The following GSTCD variants were observed in gnomAD, a reference collection of about 807,000 sequenced individuals.
GSTCD encodes the protein glutathione S-transferase C-terminal domain containing, also known as glutathione S-transferase C-terminal domain-containing protein.
Under a neutral mutation model 68.3 loss-of-function variants are expected in GSTCD, and 44 were observed. The observed-to-expected ratio is 0.64, with a 90% CI of 0.51 to 0.83. The LOEUF (loss-of-function observed/expected upper bound fraction) is 0.83, where lower values mean the gene tolerates loss of function less well. Among genes scored for constraint, GSTCD ranks in the 40% least tolerant of loss-of-function variants. The pLI is 0.00. For missense variants in GSTCD, 739 were observed against 735.9 expected (o/e 1.00, Z -0.05); for synonymous variants, 273 against 255.2 (o/e 1.07, Z -0.67).
At chr4:105,774,646 A>C (rs1241178105) in intron 5 of GSTCD, among the ~76,000 whole-genome samples, 2 of 152,118 alleles carry the variant, frequency 1.3e-5, no homozygotes, top group Non-Finnish European at 2.9e-5. Flanking sequence ...CTGGGTTGAA[A>C]ATTCTTTTCT....
At chr4:105,714,199 C>T (rs1472811977) in intron 1 of GSTCD, among the ~76,000 whole-genome samples, 2 of 152,106 alleles carry the variant, frequency 1.3e-5, no homozygotes, top group Non-Finnish European at 2.9e-5. Context: ...GAAAGAGATG[C>T]ACACTCTATT....
At chr4:105,709,580 G>T (rs1732447665) in intron 1 of GSTCD, among the ~76,000 whole-genome samples, 1 of 152,084 alleles carries the variant, frequency 6.6e-6, no homozygotes, top group South Asian at 2.1e-4. Context: ...CATGAAAGTT[G>T]CTTTGGTTTC....
intron 5 of GSTCD, among the ~76,000 whole-genome samples, chr4:105,794,440 A>G (rs1027113395): frequency 6.6e-6 from 1 of 152,054 alleles, no homozygotes; most frequent in Non-Finnish European, 1.5e-5. Flanking sequence ...TAGGTTCATC[A>G]CTATTAACAA....
chr4:105,827,018 C>T lies in GSTCD; in HGVS notation c.1530+1218C>T, dbSNP rs146841472. 6.0e-4 allele frequency: 91 copies of T among 152,260 alleles called. 1 individual carries two copies. In the East Asian group the frequency reaches 0.015, roughly 25 times the overall value. The allele number at this position is 152,260 out of a possible 1,614,324, so 9.4% of individuals were successfully genotyped here. ...TATTCGTTTCCTTTGCAGACACGAT[C>T]TACAGTTTACTTCTCTTTTTATAAG... On this transcript the variant is annotated intron_variant, in intron 8 of 11. Coordinates refer to ENST00000515279, the MANE Select transcript of GSTCD (RefSeq NM_001370181.1).
chr4:105,842,010 T>A (rs1724363495), intron 10 of GSTCD, 55 bp from the exon 11 acceptor site: 1 of 1,377,354 alleles, frequency 7.3e-7, no homozygotes, highest in South Asian at 1.2e-5. Context: ...GTTGTTTTTA[T>A]AACTTTGAAG....
chr4:105,774,529 C>A (rs910444427), intron 5 of GSTCD, among the ~76,000 whole-genome samples: 16 of 152,090 alleles, frequency 1.1e-4, no homozygotes, highest in Non-Finnish European at 1.6e-4. Context: ...TTCAGGAGCT[C>A]TTGTAAGGCA....
intron 5 of GSTCD, among the ~76,000 whole-genome samples, chr4:105,750,189 C>A (rs548403277): frequency 2.0e-5 from 3 of 152,074 alleles, no homozygotes; most frequent in African/African-American, 7.2e-5. Flanking sequence ...TGAGGCCGGG[C>A]GTGGTGGCTC....
chr4:105,841,415 A>G (rs1023198782), intron 10 of GSTCD, among the ~76,000 whole-genome samples: 7 of 152,312 alleles, frequency 4.6e-5, no homozygotes, highest in Non-Finnish European at 4.4e-5. Context: ...AAAGAAAAAT[A>G]TAAGTGAATT....
chr4:105,773,998 T>G (rs1452598402), intron 5 of GSTCD, among the ~76,000 whole-genome samples: 1 of 152,156 alleles, frequency 6.6e-6, no homozygotes, highest in Non-Finnish European at 1.5e-5. Context: ...CTCAGTCTCT[T>G]TGTAGGTCTC....
chr4:105,814,847 G>T (rs569959894), intron 5 of GSTCD, among the ~76,000 whole-genome samples: 4 of 152,172 alleles, frequency 2.6e-5, no homozygotes, highest in Non-Finnish European at 2.9e-5. Flanking sequence ...TTACAGTTAG[G>T]CCTGTAAAGT....
At chr4:105,726,248 A>G (rs1733028963) in intron 3 of GSTCD, among the ~76,000 whole-genome samples, 1 of 152,208 alleles carries the variant, frequency 6.6e-6, no homozygotes, top group Admixed American at 6.5e-5. Context: ...CTTCAAAAGC[A>G]TAATACTAAG....
At chr4:105,767,046 A>G (rs1468539732) in intron 5 of GSTCD, among the ~76,000 whole-genome samples, 1 of 152,064 alleles carries the variant, frequency 6.6e-6, no homozygotes, top group African/African-American at 2.4e-5. Flanking sequence ...AGTCGCCCCC[A>G]GAACAGAATA....
intron 10 of GSTCD, 124 bp from the exon 11 acceptor site, chr4:105,841,941 A>T (rs1724359650): frequency 2.9e-6 from 2 of 682,556 alleles, no homozygotes; most frequent in South Asian, 3.3e-5. Context: ...CTATTTGTGC[A>T]GTACTTTATT....
intron 1 of GSTCD, among the ~76,000 whole-genome samples, chr4:105,710,332 T>C (rs971251528): frequency 1.4e-5 from 2 of 141,108 alleles, no homozygotes; most frequent in Non-Finnish European, 3.0e-5. Context: ...GCAATTCTCC[T>C]GCCTCAGCCT....
chr4:105,769,527 T>A (rs1329275012), intron 5 of GSTCD, among the ~76,000 whole-genome samples: 1 of 152,186 alleles, frequency 6.6e-6, no homozygotes, highest in Non-Finnish European at 1.5e-5. Flanking sequence ...ATTTTTAGAT[T>A]ATTGAATGTC....
At chr4:105,736,909 GATTT>G (rs2149217438) in intron 5 of GSTCD, among the ~76,000 whole-genome samples, 1 of 152,230 alleles carries the variant, frequency 6.6e-6, no homozygotes, top group South Asian at 2.1e-4. Flanking sequence ...TGAATGACAA[GATTT>G]ATTTCATTTT....
At chr4:105,819,862 G>A (rs1317271471) in intron 5 of GSTCD, among the ~76,000 whole-genome samples, 1 of 150,068 alleles carries the variant, frequency 6.7e-6, no homozygotes, top group East Asian at 1.9e-4. Flanking sequence ...CATAGTTTTA[G>A]CCTTCTTTGT....
intron 1 of GSTCD, among the ~76,000 whole-genome samples, chr4:105,711,206 CAT>C (rs111483150): frequency 0.028 from 4,251 of 152,206 alleles, 174 homozygotes; most frequent in African/African-American, 0.088. Context: ...AAATGTTGAA[CAT>C]ATGATGTAGG....
rs6811346 is a variant in GSTCD, at chr4:105,814,104, G to A, written c.1241-8850G>A. Among the ~76,000 whole-genome samples the A allele has an allele frequency of 3.0e-3, 462 of 152,230 alleles. 8 individuals carry two copies. The highest frequency in any genetic ancestry group is 0.011 in the African/African-American group (440 of 41,540). On this transcript the variant is annotated intron_variant, in intron 5 of 11. Coordinates refer to ENST00000515279, the MANE Select transcript of GSTCD (RefSeq NM_001370181.1). ...AGTTTCGGAAAAAATGCCTTCCCCTGCCCTACCTAGGCCCTAAACCAGTAT... is the reference window on the plus strand; with the variant it reads ...AGTTTCGGAAAAAATGCCTTCCCCTACCCTACCTAGGCCCTAAACCAGTAT...
Sources: gnomAD v4.1 joint callset for allele counts (sites outside exome capture counted in the v4.1 genomes callset) on GRCh38, gnomAD v4.1.1 for gene constraint, MANE v1.5 for transcripts, NCBI Gene and HGNC (gene_info 2026-07-23, HGNC 2026-07-21) for gene names.